The following NOL4L variants were observed in gnomAD, a reference collection of about 807,000 sequenced individuals.
The protein encoded by NOL4L is nucleolar protein 4-like.
NOL4L carries 7 observed loss-of-function variants against 64.5 expected under a neutral mutation model. That is an observed-to-expected ratio of 0.11 (90% CI 0.06 to 0.20). NOL4L has a LOEUF of 0.20. Among genes scored for constraint, NOL4L ranks in the 10% least tolerant of loss-of-function variants. NOL4L has a pLI of 1.00. For missense variants in NOL4L, 680 were observed against 967.1 expected (o/e 0.70, Z 3.94); for synonymous variants, 413 against 401.0 (o/e 1.03, Z -0.36).
intron 5 of NOL4L, among the ~76,000 whole-genome samples, chr20:32,468,056 C>A (rs2014700879): frequency 6.6e-6 from 1 of 152,168 alleles, no homozygotes; most frequent in South Asian, 2.1e-4. Flanking sequence ...ACTAAGAGCT[C>A]CTGGGGGCAT....
At chr20:32,509,737 G>C in intron 4 of NOL4L, 1 of 1,268,310 alleles carries the variant, frequency 7.9e-7, no homozygotes, top group East Asian at 5.7e-5. Flanking sequence ...TATCTGATTT[G>C]TTAGTGAGAG....
intron 1 of NOL4L, among the ~76,000 whole-genome samples, chr20:32,530,357 T>C (rs1157366118): frequency 2.6e-5 from 4 of 151,918 alleles, no homozygotes; most frequent in Non-Finnish European, 5.9e-5. Flanking sequence ...CTGGCTAACA[T>C]GGTGAAACCC....
chr20:32,579,291 A>C (rs1488564623), intron 1 of NOL4L, among the ~76,000 whole-genome samples: 1 of 152,168 alleles, frequency 6.6e-6, no homozygotes, highest in Non-Finnish European at 1.5e-5. Flanking sequence ...CTGCACATAG[A>C]TAGGAACAGC....
rs374212206 is a variant in NOL4L at position 32,447,429 on chromosome 20, A to AAAAG, written c.*166_*167insCTTT. On this transcript the variant is annotated 3_prime_UTR_variant, in exon 11 of 11. Coordinates refer to ENST00000621426, the MANE Select transcript of NOL4L (RefSeq NM_001256798.2). ...AAAAAAAAAAAAAAAAAAAAAAAAA[A>AAAAG]GTGTCCTTGTGCCCAAAGTCTCAGG... 2.1e-5 allele frequency: 16 copies of AAAAG among 758,006 alleles called. No homozygotes were observed. The highest frequency in any genetic ancestry group is 8.9e-5 in the African/African-American group (5 of 55,934). The allele number at this position is 758,006 out of a possible 1,614,324, so 47.0% of individuals were successfully genotyped here. A position where few individuals can be genotyped will look rare whatever the true frequency, so the allele number is the denominator to read the frequency against.
At position 32,444,245 on chromosome 20, in the gene NOL4L, A is replaced by G. The variant is rs1460183071; in HGVS notation, c.*3351T>C. 1 of 152,220 alleles carries G rather than the reference A, an allele frequency of 6.6e-6. No homozygotes were observed. The highest frequency in any genetic ancestry group is 2.4e-5 in the African/African-American group (1 of 41,450). The allele number at this position is 152,220 out of a possible 1,614,324, so 9.4% of individuals were successfully genotyped here. On this transcript the variant is annotated 3_prime_UTR_variant, in exon 11 of 11. Transcript: ENST00000621426. ...GCTGTTTAGCTCAGAAACAACAAAA[A>G]CAAAGTTTCTAAAGCACCACTAAAT...
At chr20:32,580,145 T>C (rs574794928) in intron 1 of NOL4L, among the ~76,000 whole-genome samples, 3 of 152,336 alleles carry the variant, frequency 2.0e-5, no homozygotes, top group Non-Finnish European at 2.9e-5. Context: ...GGCCCTGGCA[T>C]TGGTGTGGAC....
rs144473619 is a variant in NOL4L, at chr20:32,580,861, C to T, written c.321+3709G>A. Among the ~76,000 whole-genome samples, 33 of 152,320 alleles carry T rather than the reference C, an allele frequency of 2.2e-4. No homozygotes were observed. The East Asian group carries it at 5.8e-3, about 27-fold the overall frequency. ...AGACAGCCCAGGGCCCCACCTCAGCCGTAACCTGTGGCCCTCGCAGGCTCT... is the reference window on the plus strand; with the variant it reads ...AGACAGCCCAGGGCCCCACCTCAGCTGTAACCTGTGGCCCTCGCAGGCTCT... On this transcript the variant is annotated intron_variant, in intron 1 of 10. Coordinates refer to ENST00000621426, the MANE Select transcript of NOL4L (RefSeq NM_001256798.2).
In NOL4L at chr20:32,456,181, C is replaced by T. The variant is rs756855493; in HGVS notation, c.1056G>A (p.Ser352=). ...ATALGTASYP[S]DGCGADGLRS... The stretch of plus-strand genomic sequence containing the variant: ...GCAGCCCGTCGGCACCGCAGCCATC[C>T]GAGGGGTAGGAGGCTGTGCCAAGTG... The change falls in exon 6 of 11, where the codon TCG becomes TCA. Residue 352 remains serine, a synonymous_variant. Transcript: ENST00000621426. 4.3e-5 allele frequency: 69 copies of T among 1,599,144 alleles called. No homozygotes were observed. The highest frequency in any genetic ancestry group is 9.4e-5 in the African/African-American group (7 of 74,490).
At chr20:32,448,338 TGA>T (rs770253496) in intron 10 of NOL4L, among the ~76,000 whole-genome samples, 1 of 151,682 alleles carries the variant, frequency 6.6e-6, no homozygotes, top group African/African-American at 2.4e-5. Flanking sequence ...CAGGAGGAGC[TGA>T]GAGTCGAGCC....
In NOL4L at chr20:32,513,197, G is replaced by T. The variant is rs1250959998; in HGVS notation, c.590-1741C>A. Among the ~76,000 whole-genome samples, 3 of 152,150 alleles carry T rather than the reference G, an allele frequency of 2.0e-5. No homozygotes were observed. In the East Asian group the frequency reaches 5.8e-4, roughly 29 times the overall value. ...CAAGTGCCCTCTACCATCACAAGGA[G>T]GCCCAAGAGACAGGCTGCAGGGTGA... On this transcript the variant is annotated intron_variant, in intron 3 of 10. Transcript: ENST00000621426.
At chr20:32,547,225 C>T (rs1228308774) in intron 1 of NOL4L, among the ~76,000 whole-genome samples, 1 of 152,202 alleles carries the variant, frequency 6.6e-6, no homozygotes, top group Non-Finnish European at 1.5e-5. Flanking sequence ...GAAAGTGACA[C>T]ACATGCCCAA....
chr20:32,515,793 C>T (rs1328063657), intron 3 of NOL4L, among the ~76,000 whole-genome samples: 1 of 152,168 alleles, frequency 6.6e-6, no homozygotes, highest in African/African-American at 2.4e-5. Context: ...GAAGGGTGAG[C>T]TAGGAGCTAG....
chr20:32,559,524 C>T (rs868136345), intron 1 of NOL4L, among the ~76,000 whole-genome samples: 17 of 152,236 alleles, frequency 1.1e-4, no homozygotes, highest in African/African-American at 4.1e-4. Flanking sequence ...GTTCCCGGCA[C>T]TGCTCGGAGC....
rs1600807961 is a variant in NOL4L, at chr20:32,516,228, A to G, written c.589+4583T>C. Among the ~76,000 whole-genome samples, 5 of 152,142 alleles carry G rather than the reference A, an allele frequency of 3.3e-5. 1 individual carries two copies. In the East Asian group the frequency reaches 9.7e-4, roughly 29 times the overall value. On this transcript the variant is annotated intron_variant, in intron 3 of 10. Coordinates refer to ENST00000621426, the MANE Select transcript of NOL4L (RefSeq NM_001256798.2). ...AGAGGCCGTGAGACCAGCCAGCCTC[A>G]GGGGGTTCAAATTTGGAAACAGAGA...
intron 2 of NOL4L, among the ~76,000 whole-genome samples, chr20:32,525,954 T>C (rs1449488502): frequency 6.6e-6 from 1 of 152,094 alleles, no homozygotes; most frequent in Non-Finnish European, 1.5e-5. Context: ...GGTAGGGTTT[T>C]GCCATGTTGG....
intron 10 of NOL4L, chr20:32,450,136 C>T (rs2012736909): frequency 6.6e-6 from 1 of 152,236 alleles, no homozygotes; most frequent in South Asian, 2.1e-4. Flanking sequence ...GCACCCCAGG[C>T]AAGACAGGCC....
intron 4 of NOL4L, among the ~76,000 whole-genome samples, chr20:32,490,833 A>T (rs1408387144): frequency 6.6e-6 from 1 of 152,200 alleles, no homozygotes; most frequent in Non-Finnish European, 1.5e-5. Flanking sequence ...CAAAACCTTC[A>T]ATAACTCCCA....
chr20:32,453,996 C>T lies in NOL4L; in HGVS notation c.1120-235G>A. 1.8e-6 allele frequency: 1 copy of T among 561,736 alleles called. No homozygotes were observed. Among genetic ancestry groups the T allele is most frequent in the Non-Finnish European group, 3.2e-6 (1 of 311,980 alleles). The allele number at this position is 561,736 out of a possible 1,614,324, so 34.8% of individuals were successfully genotyped here. The stretch of plus-strand genomic sequence containing the variant: ...GGGCTGCCGCAGGGAGGACCGACTG[C>T]AATAGTGTATGCAGAGACCTGGTTC... On this transcript the variant is annotated intron_variant, in intron 6 of 10. Transcript: ENST00000621426. The surrounding 1 kb of genome is among the most constrained non-coding windows in gnomAD (Gnocchi z 5.6).
chr20:32,491,439 G>A (rs1426477909), intron 4 of NOL4L, among the ~76,000 whole-genome samples: 1 of 152,200 alleles, frequency 6.6e-6, no homozygotes, highest in Non-Finnish European at 1.5e-5. Context: ...CGCCCAGCTG[G>A]CTCTGAACTG....
Sources: gnomAD v4.1 joint callset for allele counts (sites outside exome capture counted in the v4.1 genomes callset) on GRCh38, gnomAD v4.1.1 for gene constraint, Gnocchi (gnomAD v3.1) non-coding constraint, MANE v1.5 for transcripts, NCBI Gene and HGNC (gene_info 2026-07-23, HGNC 2026-07-21) for gene names.